Variants in SMG6 observed in about 807,000 individuals in gnomAD.
SMG6 encodes the protein telomerase-binding protein EST1A.
A neutral mutation model predicts 142.2 loss-of-function variants in SMG6; 66 were observed. The ratio of observed to expected loss-of-function variants is 0.46; its 90% confidence interval spans 0.38 to 0.57. The LOEUF (loss-of-function observed/expected upper bound fraction) is 0.57, where lower values mean the gene tolerates loss of function less well. Among genes scored for constraint, SMG6 ranks in the 20% least tolerant of loss-of-function variants. SMG6 has a pLI of 0.00. For missense variants in SMG6, 1,793 were observed against 1,832.0 expected (o/e 0.98, Z 0.39); for synonymous variants, 779 against 702.4 (o/e 1.11, Z -1.72).
chr17:2,150,271 G>C (rs2070787170), intron 13 of SMG6, among the ~76,000 whole-genome samples: 1 of 152,230 alleles, frequency 6.6e-6, no homozygotes, highest in Non-Finnish European at 1.5e-5. Flanking sequence ...ATGGCAAGTG[G>C]AACAGTTTCA....
rs1239324233 is a variant in SMG6 at position 2,244,649 on chromosome 17, C to T, written c.2723+9G>A. 3 of 1,606,416 alleles carry T rather than the reference C, an allele frequency of 1.9e-6. No individual in the cohort carries two copies. In the Admixed American group the frequency reaches 5.0e-5, roughly 27 times the overall value. On this transcript the variant is annotated intron_variant, in intron 9 of 18. Coordinates refer to ENST00000263073, the MANE Select transcript of SMG6 (RefSeq NM_017575.5). ...GTAGGAAAATAAAATAAACATCCTG[C>T]ACACTTACCCAATCCGGGTAAACAG...
At position 2,188,508 on chromosome 17, in the gene SMG6, G is replaced by C. The variant is rs758859759; in HGVS notation, c.2877C>G (p.Phe959Leu). The change falls in exon 11 of 19, where the codon TTC (phenylalanine) becomes TTG (leucine). Residue 959 changes from phenylalanine to leucine, a missense_variant. This residue lies in a region of SMG6 where 1,597 missense variants were observed against 1,584.6 expected (regional missense o/e 1.01). Transcript: ENST00000263073. ...AVHNSQLKDC[F>L]SEECRSVIQE... The stretch of plus-strand genomic sequence containing the variant: ...GGATCACAGAGCGGCACTCCTCCGA[G>C]AAGCAGTCTGCGGACAGGCAAATGA... 3 of 1,613,862 alleles carry C rather than the reference G, an allele frequency of 1.9e-6. No individual in the cohort carries two copies. The highest frequency in any genetic ancestry group is 1.1e-5 in the South Asian group (1 of 91,068).
chr17:2,268,670 G>A (rs1300648741), intron 8 of SMG6, among the ~76,000 whole-genome samples: 11 of 152,210 alleles, frequency 7.2e-5, no homozygotes, highest in African/African-American at 2.2e-4. Flanking sequence ...CCAGCACTTC[G>A]GGAGGCCGAG....
chr17:2,104,813 T>A (rs1011145851), intron 13 of SMG6, among the ~76,000 whole-genome samples: 1 of 152,168 alleles, frequency 6.6e-6, no homozygotes, highest in Non-Finnish European at 1.5e-5. Flanking sequence ...TGAACCCAGA[T>A]TTGTCTTACT....
intron 15 of SMG6, among the ~76,000 whole-genome samples, chr17:2,075,488 C>T (rs889786544): frequency 6.6e-6 from 1 of 152,200 alleles, no homozygotes; most frequent in African/African-American, 2.4e-5. Flanking sequence ...CCCCGCCCGA[C>T]AGCAGCACAA....
In SMG6 at chr17:2,235,698, T is replaced by C. The variant is rs1435678236; in HGVS notation, c.2869+794A>G. The C allele has an allele frequency of 5.2e-5, 8 of 152,530 alleles. No homozygotes were observed. In the South Asian group the frequency reaches 6.2e-4, roughly 12 times the overall value. The allele number at this position is 152,530 out of a possible 1,614,324, so 9.4% of individuals were successfully genotyped here. ...TACCCTTGCGAACAGACACAGAAAA[T>C]AATGTCATCCCTGTACTACATAATT... On this transcript the variant is annotated intron_variant, in intron 10 of 18. Transcript: ENST00000263073.
At chr17:2,138,480 G>A (rs773969147) in intron 13 of SMG6, among the ~76,000 whole-genome samples, 33 of 152,082 alleles carry the variant, frequency 2.2e-4, no homozygotes, top group Non-Finnish European at 4.6e-4. Flanking sequence ...ACATATAACC[G>A]GAAGTCAGCC....
At position 2,240,758 on chromosome 17, in the gene SMG6, G is replaced by A. The variant is rs144171929; in HGVS notation, c.2723+3900C>T. On this transcript the variant is annotated intron_variant, in intron 9 of 18. Transcript: ENST00000263073. ...CGAGTCTCTGCTGACGCAGTGTGGA[G>A]CACCAGGCACAGAGCAGACCATGCC... Among the ~76,000 whole-genome samples, 494 of 152,330 alleles carry A rather than the reference G, an allele frequency of 3.2e-3. 1 individual carries two copies. The highest frequency in any genetic ancestry group is 0.011 in the African/African-American group (469 of 41,574).
chr17:2,297,404 T>C (rs758920149), intron 3 of SMG6, 51 bp from the exon 4 acceptor site: 2 of 1,401,504 alleles, frequency 1.4e-6, no homozygotes, highest in South Asian at 1.3e-5. Context: ...TAATCCAACC[T>C]ATCCACCAAA....
intron 10 of SMG6, among the ~76,000 whole-genome samples, chr17:2,226,635 C>G (rs2073329067): frequency 6.6e-6 from 1 of 151,726 alleles, no homozygotes; most frequent in Non-Finnish European, 1.5e-5. Flanking sequence ...GGGCTCACAC[C>G]TGTAATCCCA....
chr17:2,159,399 C>T (rs2071105956), intron 13 of SMG6, among the ~76,000 whole-genome samples: 1 of 152,124 alleles, frequency 6.6e-6, no homozygotes, highest in South Asian at 2.1e-4. Context: ...CACTACACTC[C>T]AGTGTGGGTG....
chr17:2,258,881 C>T (rs1375474658), intron 8 of SMG6, among the ~76,000 whole-genome samples: 1 of 151,590 alleles, frequency 6.6e-6, no homozygotes, highest in Admixed American at 6.6e-5. Flanking sequence ...AGTTCAAGAC[C>T]AGCCTGGCCA....
At chr17:2,288,414 G>A (rs1472241929) in intron 6 of SMG6, among the ~76,000 whole-genome samples, 3 of 151,828 alleles carry the variant, frequency 2.0e-5, no homozygotes, top group East Asian at 2.0e-4. Flanking sequence ...GAAGTCAGGA[G>A]TTCAAGACCA....
intron 9 of SMG6, among the ~76,000 whole-genome samples, chr17:2,237,984 T>C (rs894548562): frequency 6.6e-6 from 1 of 152,164 alleles, no homozygotes; most frequent in Non-Finnish European, 1.5e-5. Flanking sequence ...GATTAACAAA[T>C]AGCTTCTGAA....
At chr17:2,251,034 A>G (rs1306534705) in intron 8 of SMG6, among the ~76,000 whole-genome samples, 6 of 151,948 alleles carry the variant, frequency 3.9e-5, no homozygotes, top group African/African-American at 1.5e-4. Context: ...CTGGCCATTT[A>G]TGCTCCCACA....
At chr17:2,285,261 T>C (rs1265043820) in intron 6 of SMG6, among the ~76,000 whole-genome samples, 1 of 152,048 alleles carries the variant, frequency 6.6e-6, no homozygotes, top group Non-Finnish European at 1.5e-5. Flanking sequence ...GATTCACTGA[T>C]TGGAAGAGAC....
At chr17:2,244,875 A>G (rs1473434369) in intron 8 of SMG6, 156 bp from the exon 9 acceptor site, 1 of 632,088 alleles carries the variant, frequency 1.6e-6, no homozygotes, top group Admixed American at 2.5e-5. Flanking sequence ...TCACAGACCC[A>G]GGGCACATGC....
rs201289625 is a variant in SMG6 at position 2,173,751 on chromosome 17, T to TAA, written c.3156-894_3156-893dup. 2.2e-4 allele frequency among the ~76,000 whole-genome samples: 32 copies of TAA among 145,424 alleles called. No homozygotes were observed. The South Asian group carries it at 3.2e-3, about 14-fold the overall frequency. On this transcript the variant is annotated intron_variant, in intron 12 of 18. Coordinates refer to ENST00000263073, the MANE Select transcript of SMG6 (RefSeq NM_017575.5). ...TAATTGAAATTTCAGCATAGAATTATAAAAAAAGAGGTTCATTTCTCTGTC... is the reference window on the plus strand; with the variant it reads ...TAATTGAAATTTCAGCATAGAATTATAAAAAAAAAGAGGTTCATTTCTCTGTC...
intron 10 of SMG6, among the ~76,000 whole-genome samples, chr17:2,214,581 C>A (rs2072959756): frequency 6.6e-6 from 1 of 151,724 alleles, no homozygotes; most frequent in South Asian, 2.1e-4. Flanking sequence ...TGACTAGAAA[C>A]CGGCAGTCAA....
Sources: gnomAD v4.1 joint callset for allele counts (sites outside exome capture counted in the v4.1 genomes callset) on GRCh38, gnomAD v4.1.1 for gene constraint, gnomAD v4.1.1 regional missense constraint, MANE v1.5 for transcripts, NCBI Gene and HGNC (gene_info 2026-07-23, HGNC 2026-07-21) for gene names.